The following HLCS variants were observed in gnomAD, a reference collection of about 807,000 sequenced individuals.
HLCS encodes holocarboxylase synthetase, also known as biotin--protein ligase.
A neutral mutation model predicts 75.0 loss-of-function variants in HLCS; 53 were observed. The ratio of observed to expected loss-of-function variants is 0.71; its 90% CI spans 0.57 to 0.89. The LOEUF (loss-of-function observed/expected upper bound fraction) is 0.89, where lower values mean the gene tolerates loss of function less well. Among genes scored for constraint, HLCS ranks in the 40% least tolerant of loss-of-function variants. HLCS has a pLI of 0.00. For missense variants in HLCS, 966 were observed against 1,074.0 expected (o/e 0.90, Z 1.41); for synonymous variants, 431 against 428.6 (o/e 1.01, Z -0.07).
At chr21:36,795,093 G>A (rs568533602) in intron 6 of HLCS, among the ~76,000 whole-genome samples, 30 of 152,206 alleles carry the variant, frequency 2.0e-4, no homozygotes, top group Admixed American at 6.5e-4. Context: ...GTCAGCCAGC[G>A]AATGAGTTGG....
At chr21:36,826,311 C>T (rs1462637428) in intron 6 of HLCS, among the ~76,000 whole-genome samples, 1 of 152,164 alleles carries the variant, frequency 6.6e-6, no homozygotes, top group Non-Finnish European at 1.5e-5. Flanking sequence ...GGAGTCAGCA[C>T]CTCCAGCCCT....
intron 6 of HLCS, among the ~76,000 whole-genome samples, chr21:36,820,172 C>A (rs886863284): frequency 2.6e-5 from 4 of 152,076 alleles, no homozygotes; most frequent in Non-Finnish European, 4.4e-5. Flanking sequence ...GGCCTGGCAG[C>A]CCCTTCCCAT....
At chr21:36,905,683 A>G (rs1484285047) in intron 5 of HLCS, among the ~76,000 whole-genome samples, 1 of 152,116 alleles carries the variant, frequency 6.6e-6, no homozygotes, top group Admixed American at 6.6e-5. Context: ...ACAGGACATG[A>G]AAATCCAAAG....
chr21:36,933,493 G>A (rs1256421526), intron 4 of HLCS, among the ~76,000 whole-genome samples: 1 of 146,264 alleles, frequency 6.8e-6, no homozygotes, highest in Non-Finnish European at 1.5e-5. Context: ...AGAGGTTGCA[G>A]TGAGCCGAGA....
At chr21:36,778,382 C>G (rs548104377) in intron 6 of HLCS, among the ~76,000 whole-genome samples, 118 of 152,170 alleles carry the variant, frequency 7.8e-4, no homozygotes, top group African/African-American at 2.7e-3. Context: ...TGGGTTCAGG[C>G]GATTCTCCTG....
chr21:36,779,921 C>G (rs544973727), intron 6 of HLCS, among the ~76,000 whole-genome samples: 40 of 152,094 alleles, frequency 2.6e-4, no homozygotes, highest in Non-Finnish European at 5.7e-4. Flanking sequence ...TTCCTTCTAC[C>G]TAGGTCTCCC....
chr21:36,896,715 CT>C, intron 6 of HLCS, 144 bp downstream of exon 6: 1 of 895,352 alleles, frequency 1.1e-6, no homozygotes, highest in Non-Finnish European at 1.8e-6. Flanking sequence ...TTTAACTCTT[CT>C]AGGACAAGAG....
chr21:36,888,439 AAAAAAAATATAT>A (rs2064576303), intron 6 of HLCS, among the ~76,000 whole-genome samples: 5 of 32,212 alleles, frequency 1.6e-4, no homozygotes, highest in African/African-American at 4.2e-4. Flanking sequence ...ATTTAAAAAA[AAAAAAAATATAT>A]ATATATATAT....
intron 5 of HLCS, among the ~76,000 whole-genome samples, chr21:36,915,195 C>T (rs777142852): frequency 6.6e-6 from 1 of 152,206 alleles, no homozygotes; most frequent in Non-Finnish European, 1.5e-5. Flanking sequence ...GCTGTGAGGC[C>T]GCAAGAGGCA....
At chr21:36,918,152 T>C (rs2066010595) in intron 5 of HLCS, among the ~76,000 whole-genome samples, 1 of 152,200 alleles carries the variant, frequency 6.6e-6, no homozygotes, top group Non-Finnish European at 1.5e-5. Context: ...TCTGCTTTCT[T>C]ACATAGCACC....
At chr21:36,945,220 G>T (rs566808467) in intron 2 of HLCS, among the ~76,000 whole-genome samples, 46 of 149,692 alleles carry the variant, frequency 3.1e-4, no homozygotes, top group Admixed American at 6.0e-4. Context: ...TTTTTTTTTG[G>T]TTTTTTTTTG....
chr21:36,879,009 GT>G (rs1219602664), intron 6 of HLCS, among the ~76,000 whole-genome samples: 1 of 151,970 alleles, frequency 6.6e-6, no homozygotes, highest in Admixed American at 6.6e-5. Flanking sequence ...ATCTCACCAG[GT>G]TTTAGTTAAG....
At chr21:36,888,471 TATATATATATATATATATA>T (rs2064613189) in intron 6 of HLCS, among the ~76,000 whole-genome samples, 3 of 112,152 alleles carry the variant, frequency 2.7e-5, no homozygotes, top group Non-Finnish European at 5.4e-5. Flanking sequence ...TATATATATA[TATATATATATATATATATA>T]TATATATTTA....
intron 6 of HLCS, among the ~76,000 whole-genome samples, chr21:36,781,026 G>A (rs957771400): frequency 7.3e-5 from 10 of 136,922 alleles, no homozygotes; most frequent in Admixed American, 3.4e-4. Context: ...ATTTACAGCC[G>A]CTCCCCACAG....
intron 6 of HLCS, among the ~76,000 whole-genome samples, chr21:36,810,487 GGTGCAGCTCAAGA>G (rs2061480555): frequency 1.3e-5 from 2 of 152,292 alleles, no homozygotes. Context: ...GAGCTTACTT[GGTGCAGCTCAAGA>G]GTGCAGCTCA....
chr21:36,975,597 A>AC (rs1406995267), intron 1 of HLCS, among the ~76,000 whole-genome samples: 1 of 152,014 alleles, frequency 6.6e-6, no homozygotes, highest in Non-Finnish European at 1.5e-5. Context: ...ACATAGTGAG[A>AC]CCCCATCTCT....
At chr21:36,918,611 C>G (rs964140641) in intron 5 of HLCS, among the ~76,000 whole-genome samples, 2 of 152,118 alleles carry the variant, frequency 1.3e-5, no homozygotes, top group African/African-American at 2.4e-5. Flanking sequence ...CTAAAGAGAC[C>G]CAGGACTTAG....
chr21:36,954,529 T>C (rs576471924), intron 2 of HLCS, among the ~76,000 whole-genome samples: 63 of 149,274 alleles, frequency 4.2e-4, no homozygotes, highest in Non-Finnish European at 8.4e-4. Flanking sequence ...GGCAGGAGAA[T>C]GGCGTGAACC....
intron 2 of HLCS, among the ~76,000 whole-genome samples, chr21:36,950,137 G>T (rs930003105): frequency 6.6e-6 from 1 of 151,818 alleles, no homozygotes; most frequent in African/African-American, 2.4e-5. Context: ...CAATCTGCCT[G>T]AATTGTGACC....
Sources: gnomAD v4.1 joint callset for allele counts (sites outside exome capture counted in the v4.1 genomes callset) on GRCh38, gnomAD v4.1.1 for gene constraint, MANE v1.5 for transcripts, NCBI Gene and HGNC (gene_info 2026-07-23, HGNC 2026-07-21) for gene names.